Variants in HPS4 observed in about 807,000 individuals in gnomAD.
HPS4 encodes the protein BLOC-3 complex member HPS4.
In HPS4, 44 loss-of-function variants were observed where a neutral mutation model predicts 70.3. The ratio of observed to expected loss-of-function variants is 0.63; its 90% CI spans 0.49 to 0.80. The LOEUF (loss-of-function observed/expected upper bound fraction) is 0.80. HPS4 is among the 30% of genes least tolerant of loss of function. HPS4 has a pLI of 0.00. For missense variants in HPS4, 873 were observed against 884.4 expected (o/e 0.99, Z 0.16); for synonymous variants, 377 against 355.9 (o/e 1.06, Z -0.67).
intron 3 of HPS4, among the ~76,000 whole-genome samples, chr22:26,478,356 A>G (rs955858194): frequency 1.3e-5 from 2 of 151,780 alleles, no homozygotes; most frequent in Non-Finnish European, 2.9e-5. Flanking sequence ...GTGGATCACG[A>G]GGTCAGGAGA....
chr22:26,477,493 T>A (rs1431121039), intron 3 of HPS4, among the ~76,000 whole-genome samples: 3 of 152,238 alleles, frequency 2.0e-5, no homozygotes, highest in Non-Finnish European at 4.4e-5. Flanking sequence ...AGCAGAAGCA[T>A]GAGCCTTTCA....
intron 4 of HPS4, among the ~76,000 whole-genome samples, chr22:26,475,050 C>G (rs950133087): frequency 6.6e-6 from 1 of 152,222 alleles, no homozygotes; most frequent in Non-Finnish European, 1.5e-5. Context: ...TACACCTACT[C>G]TATGACCCAG....
intron 9 of HPS4, 152 bp downstream of exon 9, chr22:26,466,074 C>G: frequency 2.6e-6 from 4 of 1,567,556 alleles, no homozygotes; most frequent in Admixed American, 1.8e-5. Flanking sequence ...GTGGGTAACT[C>G]GATTCTTGAA....
chr22:26,479,727 G>A, intron 2 of HPS4: 13 of 1,046,142 alleles, frequency 1.2e-5, no homozygotes, highest in Non-Finnish European at 1.4e-5. Context: ...AGTTAGGGAT[G>A]TATTAGATGC....
chr22:26,463,495 TCTGG>T (rs2087748738), intron 11 of HPS4, among the ~76,000 whole-genome samples: 1 of 152,162 alleles, frequency 6.6e-6, no homozygotes, highest in East Asian at 1.9e-4. Context: ...TCTCACTGCA[TCTGG>T]AACAGGAAGG....
intron 10 of HPS4, 62 bp downstream of exon 10, chr22:26,465,393 C>A (rs2088329597): frequency 9.1e-6 from 11 of 1,214,958 alleles, no homozygotes; most frequent in Non-Finnish European, 1.3e-5. Flanking sequence ...TGTTTTTTAA[C>A]CAATCACGCG....
intron 11 of HPS4, among the ~76,000 whole-genome samples, chr22:26,462,273 C>T (rs2087452623): frequency 6.6e-6 from 1 of 152,208 alleles, no homozygotes; most frequent in African/African-American, 2.4e-5. Flanking sequence ...TAGACCTTGA[C>T]AAACCAGGGG....
At chr22:26,467,955 T>C (rs1278946392) in intron 8 of HPS4, 2 of 152,316 alleles carry the variant, frequency 1.3e-5, no homozygotes, top group Non-Finnish European at 1.5e-5. Flanking sequence ...CAGGCTGGAG[T>C]GCAGTGGCGC....
Position 26,457,978 on chromosome 22 carries a change from A to G in HPS4, c.1847-11T>C. 6.2e-7 allele frequency: 1 copy of G among 1,604,818 alleles called. No individual in the cohort carries two copies. Among genetic ancestry groups the G allele is most frequent in the Non-Finnish European group, 8.5e-7 (1 of 1,173,794 alleles). On this transcript the variant is annotated splice_polypyrimidine_tract_variant and intron_variant, in intron 12 of 13. Coordinates refer to ENST00000398145, the MANE Select transcript of HPS4 (RefSeq NM_022081.6). Reference sequence around the variant, plus strand: ...CCTGCGGCAGGTTTGCTTCCAGAAGAGGACACAGAGTTGTGAAGAGCAGAC... The same window carrying G: ...CCTGCGGCAGGTTTGCTTCCAGAAGGGGACACAGAGTTGTGAAGAGCAGAC...
downstream of HPS4, chr22:26,443,538 G>GT (rs1238330112): frequency 1.8e-5 from 3 of 167,842 alleles, no homozygotes; most frequent in East Asian, 1.6e-4. Flanking sequence ...GTTGCTACTT[G>GT]TTTTTTTCAG....
At position 26,462,250 on chromosome 22, in the gene HPS4, G is replaced by GT. The variant is rs145471881; in HGVS notation, c.1713+1666dup. 1.6e-3 allele frequency among the ~76,000 whole-genome samples: 244 copies of GT among 152,288 alleles called. 3 individuals carry two copies. Among genetic ancestry groups the GT allele is most frequent in the Non-Finnish European group, 2.5e-3 (170 of 68,038 alleles). ...ACAGAAGCCCATGGAGGCTGATGTCGTAACAGCATGGATAGACCTTGACAA... is the reference window on the plus strand; with the variant it reads ...ACAGAAGCCCATGGAGGCTGATGTCGTTAACAGCATGGATAGACCTTGACAA... On this transcript the variant is annotated intron_variant, in intron 11 of 13. Coordinates refer to ENST00000398145, the MANE Select transcript of HPS4 (RefSeq NM_022081.6).
intron 6 of HPS4, 63 bp downstream of exon 6, chr22:26,472,239 T>C: frequency 9.7e-7 from 1 of 1,034,748 alleles, no homozygotes; most frequent in South Asian, 1.3e-5. Context: ...TCAGGAATAT[T>C]AAAAAAGTAT....
At position 26,465,551 on chromosome 22, in the gene HPS4, C is replaced by T. The variant is rs1044259217; in HGVS notation, c.707G>A (p.Gly236Glu). Residue 236 changes from glycine (G) to glutamate (E), a missense_variant and splice_region_variant, in exon 10 of 14, where the codon GGA (glycine) becomes GAA (glutamate). By Grantham distance (98) the Gly-to-Glu change is moderately conservative. Coordinates refer to ENST00000398145, the MANE Select transcript of HPS4 (RefSeq NM_022081.6). ...CTGGACATTCGGGGGCAATGCCGCTCCTGGAATTGCAAAGCAATATGAACA... is the reference window on the plus strand; with the variant it reads ...CTGGACATTCGGGGGCAATGCCGCTTCTGGAATTGCAAAGCAATATGAACA... ...PTGEDAPQEH[G>E]AALPPNVQII... The T allele has an allele frequency of 6.2e-7, 1 of 1,612,864 alleles. No homozygotes were observed. Among genetic ancestry groups the T allele is most frequent in the Non-Finnish European group, 8.5e-7 (1 of 1,178,974 alleles).
chr22:26,447,405 C>T (rs148903896), downstream of HPS4, among the ~76,000 whole-genome samples: 10 of 152,164 alleles, frequency 6.6e-5, no homozygotes, highest in African/African-American at 2.2e-4. Flanking sequence ...CCAATAAGTG[C>T]GCCTTTTATT....
intron 3 of HPS4, among the ~76,000 whole-genome samples, chr22:26,478,065 T>C (rs2090797320): frequency 2.0e-5 from 3 of 152,140 alleles, no homozygotes; most frequent in South Asian, 2.1e-4. Context: ...TCCAAGACAA[T>C]AAGGCAAAAT....
At chr22:26,465,422 G>T (rs1300724749) in intron 10 of HPS4, 33 bp downstream of exon 10, 1 of 1,459,606 alleles carries the variant, frequency 6.9e-7, no homozygotes, top group Non-Finnish European at 9.6e-7. Flanking sequence ...CCTCAGGTGT[G>T]GTGCAAGGTT....
Position 26,458,465 on chromosome 22 carries a change from C to T in HPS4, c.1826G>A (p.Arg609His), listed in dbSNP as rs781375770. ...CTTACCCATCAGCAAGCTCTGAATG[C>T]GGTCGTAATGTGTGAAGTTGTAGGT... ...SSTYNFTHYD[R>H]IQSLLMANLP... The change falls in exon 12 of 14, where the codon CGC becomes CAC. Residue 609 changes from arginine (R) to histidine (H), a missense_variant. Arg to His is a conservative substitution (Grantham distance 29). Transcript: ENST00000398145. 23 of 1,614,020 alleles carry T rather than the reference C, an allele frequency of 1.4e-5. No homozygotes were observed. In the African/African-American group the frequency reaches 2.3e-4, roughly 16 times the overall value.
At position 26,458,716 on chromosome 22, in the gene HPS4, T is replaced by C. The variant is rs4822722; in HGVS notation, c.1714-139A>G. On this transcript the variant is annotated intron_variant, in intron 11 of 13. Coordinates refer to ENST00000398145, the MANE Select transcript of HPS4 (RefSeq NM_022081.6). ...TCACACCTGTAATCCCAGTGCTTTG[T>C]GAGACCGAGGCAGGAGGATCACTTA... The C allele has an allele frequency of 0.9, 893,347 of 988,492 alleles. 406,111 individuals carry two copies. Among genetic ancestry groups the C allele is most frequent in the Non-Finnish European group, 0.93 (623,519 of 672,376 alleles). The allele number at this position is 988,492 out of a possible 1,614,324, so 61.2% of individuals were successfully genotyped here. A position where few individuals can be genotyped will look rare whatever the true frequency, so the allele number is the denominator to read the frequency against.
At chr22:26,467,203 AG>A (rs764932956) in intron 8 of HPS4, 1 of 152,238 alleles carries the variant, frequency 6.6e-6, no homozygotes, top group Non-Finnish European at 1.5e-5. Flanking sequence ...AAGTGATATG[AG>A]TAAATTAATC....
Sources: gnomAD v4.1 joint callset for allele counts (sites outside exome capture counted in the v4.1 genomes callset) on GRCh38, gnomAD v4.1.1 for gene constraint, MANE v1.5 for transcripts, NCBI Gene and HGNC (gene_info 2026-07-23, HGNC 2026-07-21) for gene names.